Variants in LTBP3 observed in about 807,000 individuals in gnomAD.
LTBP3 encodes the protein latent transforming growth factor beta binding protein 3, also known as latent-transforming growth factor beta-binding protein 3.
LTBP3 carries 97 observed loss-of-function variants against 159.7 expected under a neutral mutation model. The observed-to-expected ratio is 0.61, with a 90% CI of 0.52 to 0.72. The LOEUF (loss-of-function observed/expected upper bound fraction) is 0.72, where lower values mean the gene tolerates loss of function less well. Among genes scored for constraint, LTBP3 ranks in the 30% least tolerant of loss-of-function variants. LTBP3 has a pLI of 0.00. For synonymous variants in LTBP3, 824 were observed against 777.1 expected, an observed-to-expected ratio of 1.06 and a Z score of -1.00; for missense variants, 1,584 against 1,864.3, an observed-to-expected ratio of 0.85 and a Z score of 2.77.
In LTBP3 at chr11:65,552,708, A is replaced by T. The variant is rs1856654670; in HGVS notation, c.1186+152T>A. The T allele has an allele frequency of 8.8e-6, 10 of 1,142,004 alleles. No individual in the cohort carries two copies. The highest frequency in any genetic ancestry group is 1.3e-5 in the Non-Finnish European group (10 of 773,922). 70.7% of individuals were successfully genotyped at this position (1,142,004 alleles called of 1,614,324 possible). A position where few individuals can be genotyped will look rare whatever the true frequency, so the allele number is the denominator to read the frequency against. On this transcript the variant is annotated intron_variant, in intron 6 of 27. Coordinates refer to ENST00000301873, the MANE Select transcript of LTBP3 (RefSeq NM_001130144.3). The surrounding 1 kb of genome is among the most constrained non-coding windows in gnomAD (Gnocchi z 6.0). ...GACTGCTAATGGCAGATCTCATGTG[A>T]CCCCGGACCCTGCTGATCCCTGATC...
chr11:65,538,929 T>C lies in LTBP3; in HGVS notation c.*151A>G, dbSNP rs1680471048. On this transcript the variant is annotated 3_prime_UTR_variant, in exon 28 of 28. Transcript: ENST00000301873. Reference sequence around the variant, plus strand: ...CCCGCTAACCGGGGAGGGGGGCCGGTAGGGGCGCCTCGGGTCTCAAGGCGC... The same window carrying C: ...CCCGCTAACCGGGGAGGGGGGCCGGCAGGGGCGCCTCGGGTCTCAAGGCGC... The C allele has an allele frequency of 1.6e-6, 2 of 1,287,058 alleles. No individual in the cohort carries two copies. Among genetic ancestry groups the C allele is most frequent in the Non-Finnish European group, 9.9e-7 (1 of 1,011,020 alleles). The allele number at this position is 1,287,058 out of a possible 1,614,324, so 79.7% of individuals were successfully genotyped here.
chr11:65,554,141 T>A lies in LTBP3; in HGVS notation c.571A>T (p.Ile191Phe). Residue 191 changes from isoleucine to phenylalanine, a missense_variant, in exon 2 of 28, where the codon ATC becomes TTC. Physicochemically the swap from Ile to Phe is conservative, Grantham distance 21 (BLOSUM62 0). Transcript: ENST00000301873. The surrounding 1 kb of genome is among the most constrained non-coding windows in gnomAD (Gnocchi z 5.3). Reference sequence around the variant, plus strand: ...TCCCCGGGCCCAGGAGGGTCAGCGATCACCTGGACGGCGTAGATGGCGTGC... The same window carrying A: ...TCCCCGGGCCCAGGAGGGTCAGCGAACACCTGGACGGCGTAGATGGCGTGC... ...SKHAIYAVQV[I>F]ADPPGPGEGP... is the part of the protein sequence containing the mutation. 6.2e-7 allele frequency: 1 copy of A among 1,611,828 alleles called. No homozygotes were observed. Among genetic ancestry groups the A allele is most frequent in the Non-Finnish European group, 8.5e-7 (1 of 1,179,544 alleles).
chr11:65,542,766 A>C, intron 18 of LTBP3: 1 of 357,242 alleles, frequency 2.8e-6, no homozygotes, highest in Non-Finnish European at 5.5e-6. Context: ...CAATACATTA[A>C]TATCTGTAAA....
Position 65,551,656 on chromosome 11 carries a change from T to G in LTBP3, c.1532-92A>C. ...CAGCTGAGTATTTGCAGTTAGGGTC[T>G]CTGGGAGTTCAACAATCATGTCTCC... On this transcript the variant is annotated intron_variant, in intron 8 of 27. Coordinates refer to ENST00000301873, the MANE Select transcript of LTBP3 (RefSeq NM_001130144.3). 2.7e-6 allele frequency: 4 copies of G among 1,508,474 alleles called. No homozygotes were observed. In the Admixed American group the frequency reaches 6.8e-5, roughly 26 times the overall value. The allele number at this position is 1,508,474 out of a possible 1,614,324, so 93.4% of individuals were successfully genotyped here.
chr11:65,538,709 T>G lies in LTBP3; in HGVS notation c.*371A>C. On this transcript the variant is annotated 3_prime_UTR_variant, in exon 28 of 28. Transcript: ENST00000301873. ...CACAATAAATTCTATTTCACACCCC[T>G]TGTGCCGGGCTCAGTCTAGCCCCTG... The G allele has an allele frequency of 8.6e-7, 1 of 1,160,274 alleles. No homozygotes were observed. Among genetic ancestry groups the G allele is most frequent in the Non-Finnish European group, 1.2e-6 (1 of 844,992 alleles). 71.9% of individuals were successfully genotyped at this position (1,160,274 alleles called of 1,614,324 possible). A position where few individuals can be genotyped will look rare whatever the true frequency, so the allele number is the denominator to read the frequency against.
Position 65,547,583 on chromosome 11 carries a change from G to C in LTBP3, c.1979-16C>G. The C allele has an allele frequency of 6.2e-7, 1 of 1,613,192 alleles. No individual in the cohort carries two copies. Among genetic ancestry groups the C allele is most frequent in the Non-Finnish European group, 8.5e-7 (1 of 1,179,442 alleles). On this transcript the variant is annotated splice_polypyrimidine_tract_variant and intron_variant, in intron 13 of 27. Transcript: ENST00000301873. This position sits in a 1 kb window ranked among gnomAD's most constrained non-coding sequence, Gnocchi z 4.6. Reference sequence around the variant, plus strand: ...TCGTTCAGGTCTGTGCGGGAGGAAGGGGCCACGAAGGGGGTGTAGGAGGCG... The same window carrying C: ...TCGTTCAGGTCTGTGCGGGAGGAAGCGGCCACGAAGGGGGTGTAGGAGGCG...
chr11:65,546,183 A>C lies in LTBP3; in HGVS notation c.2353+259T>G. 1.9e-6 allele frequency: 1 copy of C among 529,146 alleles called. No individual in the cohort carries two copies. The highest frequency in any genetic ancestry group is 2.3e-5 in the South Asian group (1 of 43,772). 32.8% of individuals were successfully genotyped at this position (529,146 alleles called of 1,614,324 possible). The stretch of plus-strand genomic sequence containing the variant: ...GGGGGGAGTACTATCGTCTGCCCTC[A>C]TTCTTTGATATCTTTTTTCCTTCAA... On this transcript the variant is annotated intron_variant, in intron 16 of 27. Coordinates refer to ENST00000301873, the MANE Select transcript of LTBP3 (RefSeq NM_001130144.3). The surrounding 1 kb of genome is among the most constrained non-coding windows in gnomAD (Gnocchi z 4.0).
intron 21 of LTBP3, 107 bp from the exon 22 acceptor site, chr11:65,540,721 G>GGGGCGGGGCCTACAGGAT: frequency 6.4e-7 from 1 of 1,564,888 alleles, no homozygotes; most frequent in South Asian, 1.1e-5. Flanking sequence ...GCCTACAGGA[G>GGGGCGGGGCCTACAGGAT]GGGCGGGGCC....
At chr11:65,542,232 A>T (rs1352506368) in intron 18 of LTBP3, among the ~76,000 whole-genome samples, 1 of 151,974 alleles carries the variant, frequency 6.6e-6, no homozygotes, top group Non-Finnish European at 1.5e-5. Context: ...CATTGCAATT[A>T]ATCATTAGTC....
rs369245852 is a variant in LTBP3, at chr11:65,541,344, G to C, written c.2726-51C>G. ...TTGTGCACAGACCCCCCTTGGCCCTGTCCACCCTGCCCACCCACCACAGGT... is the reference window on the plus strand; with the variant it reads ...TTGTGCACAGACCCCCCTTGGCCCTCTCCACCCTGCCCACCCACCACAGGT... On this transcript the variant is annotated intron_variant, in intron 19 of 27. Coordinates refer to ENST00000301873, the MANE Select transcript of LTBP3 (RefSeq NM_001130144.3). 3.8e-6 allele frequency: 6 copies of C among 1,593,320 alleles called. No homozygotes were observed. In the Admixed American group the frequency reaches 6.7e-5, roughly 18 times the overall value.
Position 65,540,604 on chromosome 11 carries a change from CTCG to C in LTBP3, c.2985_2987del (p.Asp995del). The C allele has an allele frequency of 1.2e-6, 2 of 1,609,804 alleles. No homozygotes were observed. Among genetic ancestry groups the C allele is most frequent in the Non-Finnish European group, 1.7e-6 (2 of 1,178,068 alleles). ...AAATCTCCGACCCGAACAACATGCA[CTCG>C]TCGATGTCTGCGGGGTGACAAACAC... On this transcript the variant is annotated inframe_deletion, in exon 22 of 28. Transcript: ENST00000301873.
Position 65,553,584 on chromosome 11 carries a change from TGTTAGG to T in LTBP3, c.865-60_865-55del. The T allele has an allele frequency of 6.7e-7, 1 of 1,500,672 alleles. No homozygotes were observed. The highest frequency in any genetic ancestry group is 9.2e-7 in the Non-Finnish European group (1 of 1,090,300). The allele number at this position is 1,500,672 out of a possible 1,614,324, so 93.0% of individuals were successfully genotyped here. On this transcript the variant is annotated intron_variant, in intron 3 of 27. Coordinates refer to ENST00000301873, the MANE Select transcript of LTBP3 (RefSeq NM_001130144.3). The surrounding 1 kb of genome is among the most constrained non-coding windows in gnomAD (Gnocchi z 6.5). ...CAGAGCACCCCGCCCCGGTGCCGCC[TGTTAGG>T]GTTGGGCCTTTTCCTCTTCCCCCGC...
rs1856375919 is a variant in LTBP3, at chr11:65,546,526, C to T, written c.2269G>A (p.Gly757Ser). Residue 757 changes from glycine (G) to serine (S), a missense_variant, in exon 16 of 28, where the codon GGC (glycine) becomes AGC (serine). By Grantham distance (56) the Gly-to-Ser change is moderately conservative. Transcript: ENST00000301873. The surrounding 1 kb of genome is among the most constrained non-coding windows in gnomAD (Gnocchi z 4.0). The part of the protein sequence containing the change: ...ECAEGSPCSP[G>S]WCENLPGSFR... ...GAGCCCGGGAGGTTCTCGCACCAGC[C>T]AGGCGAGCAGGGGCTGCCCTCGGCG... 4 of 1,601,766 alleles carry T rather than the reference C, an allele frequency of 2.5e-6. No homozygotes were observed. The highest frequency in any genetic ancestry group is 3.4e-6 in the Non-Finnish European group (4 of 1,179,408).
chr11:65,540,799 TC>T, intron 21 of LTBP3, 71 bp downstream of exon 21: 1 of 1,498,848 alleles, frequency 6.7e-7, no homozygotes, highest in Non-Finnish European at 9.0e-7. Context: ...ACCCAGCGAG[TC>T]CCGGCGGGAT....
intron 18 of LTBP3, chr11:65,542,005 C>A: frequency 2.3e-6 from 1 of 426,570 alleles, no homozygotes; most frequent in Non-Finnish European, 4.4e-6. Context: ...CTTCCGATAC[C>A]TTTAGGTCTC....
chr11:65,538,614 G>C lies in LTBP3; in HGVS notation c.*466C>G. 1 of 1,584,746 alleles carries C rather than the reference G, an allele frequency of 6.3e-7. No homozygotes were observed. Among genetic ancestry groups the C allele is most frequent in the Non-Finnish European group, 8.6e-7 (1 of 1,166,088 alleles). On this transcript the variant is annotated 3_prime_UTR_variant, in exon 28 of 28. Coordinates refer to ENST00000301873, the MANE Select transcript of LTBP3 (RefSeq NM_001130144.3). ...GCTGCGGAGAGCCCGCCCCACAGAT[G>C]TATTTATTGTACAAACCATGTGAGC...
chr11:65,550,284 C>T (rs1239914952), intron 11 of LTBP3, among the ~76,000 whole-genome samples: 5 of 151,816 alleles, frequency 3.3e-5, no homozygotes, highest in African/African-American at 7.3e-5. Flanking sequence ...TGGTGGTGGG[C>T]GCCTGTAGTC....
chr11:65,552,519 G>T lies in LTBP3; in HGVS notation c.1187-113C>A. The stretch of plus-strand genomic sequence containing the variant: ...GCCCAGACAACCCTTGATCCCCCAT[G>T]TGGTCTCTGACCCCATATGACCCTG... On this transcript the variant is annotated intron_variant, in intron 6 of 27. Transcript: ENST00000301873. The surrounding 1 kb of genome is among the most constrained non-coding windows in gnomAD (Gnocchi z 6.0). 1.5e-6 allele frequency: 2 copies of T among 1,354,402 alleles called. No homozygotes were observed. The highest frequency in any genetic ancestry group is 2.5e-5 in the South Asian group (2 of 79,864). The allele number at this position is 1,354,402 out of a possible 1,614,324, so 83.9% of individuals were successfully genotyped here.
Position 65,539,093 on chromosome 11 carries a change from TG to T in LTBP3, c.3898del (p.Gln1300SerfsTer19). On this transcript the variant is annotated frameshift_variant, in exon 28 of 28. Coordinates refer to ENST00000301873, the MANE Select transcript of LTBP3 (RefSeq NM_001130144.3). LOFTEE classifies it high-confidence loss of function. ...RSRPHGACVP[Q>X]RRR Reference sequence around the variant, plus strand: ...GCGTCGGCGGCGTCAGCGGCGGCGCTGGGGAACGCAGGCCCCGTGCGGGCGG... The same window carrying T: ...GCGTCGGCGGCGTCAGCGGCGGCGCTGGGAACGCAGGCCCCGTGCGGGCGG... The T allele has an allele frequency of 7.0e-7, 1 of 1,429,112 alleles. No individual in the cohort carries two copies. Among genetic ancestry groups the T allele is most frequent in the Non-Finnish European group, 9.2e-7 (1 of 1,087,866 alleles). The allele number at this position is 1,429,112 out of a possible 1,614,324, so 88.5% of individuals were successfully genotyped here.
Sources: gnomAD v4.1 joint callset for allele counts (sites outside exome capture counted in the v4.1 genomes callset) on GRCh38, gnomAD v4.1.1 for gene constraint, Gnocchi (gnomAD v3.1) non-coding constraint, MANE v1.5 for transcripts, NCBI Gene and HGNC (gene_info 2026-07-23, HGNC 2026-07-21) for gene names.